GCLC: variants seen among roughly 807,000 people sequenced by gnomAD.
GCLC encodes the protein glutamate-cysteine ligase catalytic subunit.
In GCLC, 30 loss-of-function variants were observed where a neutral mutation model predicts 81.5. The ratio of observed to expected loss-of-function variants is 0.37; its 90% CI spans 0.28 to 0.50. The LOEUF (loss-of-function observed/expected upper bound fraction) is 0.50, where lower values mean the gene tolerates loss of function less well. GCLC is among the 20% of genes least tolerant of loss of function. The pLI, the probability that GCLC is intolerant of heterozygous loss-of-function variation, is 0.96. For missense variants in GCLC, 556 were observed against 777.4 expected (o/e 0.72, Z 3.39); for synonymous variants, 262 against 273.3 (o/e 0.96, Z 0.41).
In GCLC at chr6:53,520,671, C is replaced by G. The variant is rs1244178739; in HGVS notation, c.446+107G>C. 4 of 901,032 alleles carry G rather than the reference C, an allele frequency of 4.4e-6. No individual in the cohort carries two copies. In the African/African-American group the frequency reaches 6.5e-5, roughly 15 times the overall value. 55.8% of individuals were successfully genotyped at this position (901,032 alleles called of 1,614,324 possible). ...GTGCAGTCTATAAAAGATAAACCATCTGTAACGTATGAGGATTGTAAGGTG... is the reference window on the plus strand; with the variant it reads ...GTGCAGTCTATAAAAGATAAACCATGTGTAACGTATGAGGATTGTAAGGTG... On this transcript the variant is annotated intron_variant, in intron 3 of 15. Coordinates refer to ENST00000650454, the MANE Select transcript of GCLC (RefSeq NM_001498.4).
chr6:53,510,833 T>C (rs549145187), intron 6 of GCLC, among the ~76,000 whole-genome samples: 1 of 152,340 alleles, frequency 6.6e-6, no homozygotes, highest in East Asian at 1.9e-4. Context: ...CTGTATTAAC[T>C]AGTCATTACT....
At chr6:53,534,677 T>G (rs890228557) in intron 1 of GCLC, among the ~76,000 whole-genome samples, 5 of 151,702 alleles carry the variant, frequency 3.3e-5, no homozygotes, top group African/African-American at 1.2e-4. Context: ...ACTCCCTGGG[T>G]GGAAGAGATG....
intron 1 of GCLC, among the ~76,000 whole-genome samples, chr6:53,542,736 C>G (rs1763379870): frequency 6.6e-6 from 1 of 152,190 alleles, no homozygotes; most frequent in South Asian, 2.1e-4. Context: ...CAGCACAGGG[C>G]CCGGCACATT....
Position 53,516,987 on chromosome 6 carries a change from T to G in GCLC, c.447-765A>C, listed in dbSNP as rs555196827. Among the ~76,000 whole-genome samples the G allele has an allele frequency of 1.1e-4, 17 of 151,422 alleles. 1 individual carries two copies. In the South Asian group the frequency reaches 3.5e-3, roughly 31 times the overall value. ...ATGTGCTGTGAGGGAGGACAAAGACTAAGCGAAAGCCAAACAAGGGAGGAG... is the reference window on the plus strand; with the variant it reads ...ATGTGCTGTGAGGGAGGACAAAGACGAAGCGAAAGCCAAACAAGGGAGGAG... On this transcript the variant is annotated intron_variant, in intron 3 of 15. Coordinates refer to ENST00000650454, the MANE Select transcript of GCLC (RefSeq NM_001498.4).
intron 6 of GCLC, 73 bp from the exon 7 acceptor site, chr6:53,509,323 G>A: frequency 1.1e-6 from 1 of 896,134 alleles, no homozygotes. Flanking sequence ...AGTCAGAGAA[G>A]GAAGGTGCTG....
chr6:53,518,497 T>C (rs979940670), intron 3 of GCLC, among the ~76,000 whole-genome samples: 1 of 152,170 alleles, frequency 6.6e-6, no homozygotes, highest in African/African-American at 2.4e-5. Flanking sequence ...GTGATCCGCC[T>C]GCCTCGGCCT....
At chr6:53,522,288 G>A in intron 2 of GCLC, 127 bp downstream of exon 2, 1 of 688,898 alleles carries the variant, frequency 1.5e-6, no homozygotes, top group East Asian at 2.7e-5. Context: ...TGAAACTATG[G>A]CAACCTGAAA....
chr6:53,506,824 G>A lies in GCLC; in HGVS notation c.1197+89C>T, dbSNP rs1764624377. On this transcript the variant is annotated intron_variant, in intron 10 of 15. Coordinates refer to ENST00000650454, the MANE Select transcript of GCLC (RefSeq NM_001498.4). The surrounding 1 kb of genome is among the most constrained non-coding windows in gnomAD (Gnocchi z 4.0). ...TACAGAAAACTGCCTCCCCATGTTG[G>A]TTTGTGAAGTGAAATGCATATAAAA... 6 of 757,668 alleles carry A rather than the reference G, an allele frequency of 7.9e-6. No individual in the cohort carries two copies. The highest frequency in any genetic ancestry group is 7.4e-5 in the South Asian group (5 of 67,728). The allele number at this position is 757,668 out of a possible 1,614,324, so 46.9% of individuals were successfully genotyped here.
intron 3 of GCLC, 31 bp from the exon 4 acceptor site, chr6:53,516,253 G>T (rs755819744): frequency 7.4e-6 from 10 of 1,357,898 alleles, no homozygotes; most frequent in Non-Finnish European, 5.3e-6. Context: ...AAATAGATGG[G>T]ATTTGTTTTC....
rs745729830 is a variant in GCLC at position 53,498,799 on chromosome 6, C to T, written c.1871G>A (p.Arg624Lys). The T allele has an allele frequency of 1.4e-5, 22 of 1,613,454 alleles. No individual in the cohort carries two copies. Among genetic ancestry groups the T allele is most frequent in the Non-Finnish European group, 1.9e-5 (22 of 1,179,498 alleles). Residue 624 changes from arginine (R) to lysine (K), a missense_variant, in exon 16 of 16, where the codon AGG (arginine) becomes AAG (lysine). Physicochemically the swap from Arg to Lys is conservative, Grantham distance 26. Coordinates refer to ENST00000650454, the MANE Select transcript of GCLC (RefSeq NM_001498.4). ...TTTACTTCCACTATATTTTACTTTC[C>T]TAAATGCTGATCCAAGTAACTCTGG... ...ECPELLGSAF[R>K]KVKYSGSKTD... is the part of the protein sequence containing the mutation.
At position 53,505,791 on chromosome 6, in the gene GCLC, C is replaced by G; in HGVS notation, c.1290+12G>C. On this transcript the variant is annotated intron_variant, in intron 11 of 15. Transcript: ENST00000650454. ...ACTTTTGAGTCAGTTCTTGCTGATG[C>G]ATGTGTCTTACCTCCATGGGTCGAA... The G allele has an allele frequency of 6.8e-7, 1 of 1,477,686 alleles. No individual in the cohort carries two copies. The highest frequency in any genetic ancestry group is 9.5e-7 in the Non-Finnish European group (1 of 1,055,246). The allele number at this position is 1,477,686 out of a possible 1,614,324, so 91.5% of individuals were successfully genotyped here.
At chr6:53,501,469 G>A (rs1362979511) in intron 12 of GCLC, 1 of 152,194 alleles carries the variant, frequency 6.6e-6, no homozygotes, top group Non-Finnish European at 1.5e-5. Context: ...GACTTTTTAA[G>A]ACTCTCAAAG....
At chr6:53,511,254 C>G (rs1483061541) in intron 6 of GCLC, among the ~76,000 whole-genome samples, 2 of 150,712 alleles carry the variant, frequency 1.3e-5, no homozygotes, top group Non-Finnish European at 3.0e-5. Context: ...AGTGAGAAAC[C>G]TGAAAGACCG....
At chr6:53,513,937 C>A in intron 6 of GCLC, 2 of 426,108 alleles carry the variant, frequency 4.7e-6, no homozygotes, top group Non-Finnish European at 8.4e-6. Flanking sequence ...GAATATATTG[C>A]ATTTTAAGTT....
At chr6:53,530,237 A>C (rs989064320) in intron 1 of GCLC, among the ~76,000 whole-genome samples, 19 of 152,332 alleles carry the variant, frequency 1.2e-4, no homozygotes, top group African/African-American at 4.6e-4. Flanking sequence ...GTTTAATGCC[A>C]TTCCACCATC....
chr6:53,509,443 G>C (rs1764691518), intron 6 of GCLC, 193 bp from the exon 7 acceptor site: 2 of 634,562 alleles, frequency 3.2e-6, no homozygotes, highest in East Asian at 5.5e-5. Flanking sequence ...ATTTAATTAT[G>C]TTCCACTGCC....
At chr6:53,509,129 T>G in intron 7 of GCLC, 47 bp downstream of exon 7, 1 of 1,152,982 alleles carries the variant, frequency 8.7e-7, no homozygotes, top group Non-Finnish European at 1.3e-6. Flanking sequence ...CATGCTATCT[T>G]ATTTCATACG....
intron 1 of GCLC, among the ~76,000 whole-genome samples, chr6:53,525,285 C>A (rs966230563): frequency 9.2e-5 from 14 of 152,132 alleles, no homozygotes; most frequent in African/African-American, 3.4e-4. Flanking sequence ...ATGTTTATTT[C>A]CGATTAGAGC....
Position 53,506,830 on chromosome 6 carries a change from G to C in GCLC, c.1197+83C>G. ...AAACTGCCTCCCCATGTTGGTTTGT[G>C]AAGTGAAATGCATATAAAACAGAGG... On this transcript the variant is annotated intron_variant, in intron 10 of 15. Transcript: ENST00000650454. The surrounding 1 kb of genome is among the most constrained non-coding windows in gnomAD (Gnocchi z 4.0). The C allele has an allele frequency of 1.3e-6, 1 of 776,114 alleles. No individual in the cohort carries two copies. The highest frequency in any genetic ancestry group is 1.5e-5 in the South Asian group (1 of 68,480). The allele number at this position is 776,114 out of a possible 1,614,324, so 48.1% of individuals were successfully genotyped here.
Sources: gnomAD v4.1 joint callset for allele counts (sites outside exome capture counted in the v4.1 genomes callset) on GRCh38, gnomAD v4.1.1 for gene constraint, Gnocchi (gnomAD v3.1) non-coding constraint, MANE v1.5 for transcripts, NCBI Gene and HGNC (gene_info 2026-07-23, HGNC 2026-07-21) for gene names.